LEUTX: variants seen among roughly 807,000 people sequenced by gnomAD.
LEUTX encodes the protein paired-like homeodomain transcription factor LEUTX.
A neutral mutation model predicts 4.5 loss-of-function variants in LEUTX; 5 were observed. The ratio of observed to expected loss-of-function variants is 1.11; its 90% CI spans 0.58 to 2.34. LEUTX has a LOEUF of 2.34. Ranked by LOEUF, LEUTX falls within the 30% of genes most tolerant of loss-of-function variation. The pLI is 0.01. For synonymous variants in LEUTX, 89 were observed against 85.1 expected (o/e 1.05, Z -0.25); for missense variants, 233 against 239.4 (o/e 0.97, Z 0.18).
At chr19:39,778,270 C>T (rs1401995573), upstream of LEUTX, among the ~76,000 whole-genome samples, 2 of 152,176 alleles carry the variant, frequency 1.3e-5, no homozygotes, top group Non-Finnish European at 2.9e-5. Context: ...TTGCTGAAAA[C>T]TCGTTATGGG....
intron 1 of LEUTX, among the ~76,000 whole-genome samples, chr19:39,783,665 A>T (rs1967920718): frequency 6.7e-6 from 1 of 149,820 alleles, no homozygotes; most frequent in South Asian, 2.1e-4. Context: ...GCCAACATCT[A>T]TTTTTTTTTA....
chr19:39,785,218 C>T (rs543085718), intron 2 of LEUTX, among the ~76,000 whole-genome samples: 6 of 152,220 alleles, frequency 3.9e-5, no homozygotes, highest in South Asian at 2.1e-4. Context: ...GCAGGAGGAT[C>T]GCTTAAGCCC....
At chr19:39,779,816 C>G (rs1159014290) in intron 1 of LEUTX, among the ~76,000 whole-genome samples, 1 of 152,130 alleles carries the variant, frequency 6.6e-6, no homozygotes, top group East Asian at 1.9e-4. Context: ...GAGTTCAAGA[C>G]CAGCCTGGAC....
At chr19:39,782,077 G>A (rs1967895185) in intron 1 of LEUTX, among the ~76,000 whole-genome samples, 1 of 151,920 alleles carries the variant, frequency 6.6e-6, no homozygotes, top group Non-Finnish European at 1.5e-5. Flanking sequence ...ATAGCTTCAG[G>A]GTCTCACAAG....
At chr19:39,782,014 A>T (rs1399660558) in intron 1 of LEUTX, among the ~76,000 whole-genome samples, 1 of 152,160 alleles carries the variant, frequency 6.6e-6, no homozygotes, top group African/African-American at 2.4e-5. Flanking sequence ...TTCTTAGGTC[A>T]CTAAGCTTCA....
chr19:39,782,424 C>T (rs551122350), intron 1 of LEUTX, among the ~76,000 whole-genome samples: 3 of 152,238 alleles, frequency 2.0e-5, no homozygotes, highest in Admixed American at 2.0e-4. Flanking sequence ...TGCTTGCCAC[C>T]ACGTAAGATG....
rs543677329 is a variant in LEUTX at position 39,784,318 on chromosome 19, T to G, written c.8-209T>G. On this transcript the variant is annotated intron_variant, in intron 1 of 2. Coordinates refer to ENST00000638280, the MANE Select transcript of LEUTX (RefSeq NM_001382345.1). ...TTGCTGATGAACTAATGTGATTTTT[T>G]GGGGATGTTAAAGAACCTTGTGTTG... Among the ~76,000 whole-genome samples the G allele has an allele frequency of 1.8e-4, 28 of 152,294 alleles. 1 individual carries two copies. Among genetic ancestry groups the G allele is most frequent in the African/African-American group, 6.7e-4 (28 of 41,548 alleles).
Position 39,779,945 on chromosome 19 carries a change from C to T in LEUTX, c.7+1018C>T, listed in dbSNP as rs1967860134. ...ACAAGAATTGCTTGAACCTGGGAGG[C>T]AGAGGTTGCAGCAATCTGAGATTGC... On this transcript the variant is annotated intron_variant, in intron 1 of 2. Coordinates refer to ENST00000638280, the MANE Select transcript of LEUTX (RefSeq NM_001382345.1). 3.3e-5 allele frequency among the ~76,000 whole-genome samples: 5 copies of T among 152,262 alleles called. No homozygotes were observed. In the South Asian group the frequency reaches 1.0e-3, roughly 32 times the overall value.
At position 39,785,703 on chromosome 19, in the gene LEUTX, G is replaced by T. The variant is rs1967957639; in HGVS notation, c.165G>T (p.Trp55Cys). ...LQLDLSVVKIWFKNQRAKWKR... is the reference protein window; with the variant it reads ...LQLDLSVVKICFKNQRAKWKR... Reference sequence around the variant, plus strand: ...CCCCCCTCCTCCCTCCTTAGATCTGGTTCAAGAACCAGCGTGCCAAATGGA... The same window carrying T: ...CCCCCCTCCTCCCTCCTTAGATCTGTTTCAAGAACCAGCGTGCCAAATGGA... Residue 55 changes from tryptophan (W) to cysteine (C), a missense_variant, in exon 3 of 3, where the codon TGG (tryptophan) becomes TGT (cysteine). Physicochemically the swap from Trp to Cys is radical, Grantham distance 215. Coordinates refer to ENST00000638280, the MANE Select transcript of LEUTX (RefSeq NM_001382345.1). 2 of 1,551,524 alleles carry T rather than the reference G, an allele frequency of 1.3e-6. No homozygotes were observed. The highest frequency in any genetic ancestry group is 2.7e-5 in the African/African-American group (2 of 72,970).
intron 1 of LEUTX, among the ~76,000 whole-genome samples, chr19:39,782,386 C>T (rs890875594): frequency 5.3e-5 from 8 of 152,064 alleles, no homozygotes; most frequent in Non-Finnish European, 1.0e-4. Flanking sequence ...AGAGGTTTCC[C>T]CTTTTGCTTA....
At chr19:39,782,486 T>A (rs1275750160) in intron 1 of LEUTX, among the ~76,000 whole-genome samples, 1 of 152,178 alleles carries the variant, frequency 6.6e-6, no homozygotes, top group Non-Finnish European at 1.5e-5. Flanking sequence ...TCCCCAGCCA[T>A]GTGGAACTGT....
chr19:39,781,059 CTTTT>C (rs994943926), intron 1 of LEUTX, among the ~76,000 whole-genome samples: 2 of 152,026 alleles, frequency 1.3e-5, no homozygotes, highest in Non-Finnish European at 2.9e-5. Context: ...CCTCTTCTTT[CTTTT>C]TCTCTTCCAC....
intron 1 of LEUTX, 32 bp from the exon 2 acceptor site, chr19:39,784,495 T>A (rs2144959380): frequency 1.3e-6 from 1 of 768,166 alleles, no homozygotes; most frequent in East Asian, 2.7e-5. Flanking sequence ...CGAATTTTTT[T>A]AATGAAAGCC....
chr19:39,785,390 A>G (rs1967950759), intron 2 of LEUTX, among the ~76,000 whole-genome samples: 1 of 151,986 alleles, frequency 6.6e-6, no homozygotes, highest in African/African-American at 2.4e-5. Flanking sequence ...GCGAGCTATG[A>G]TTGCAGCACT....
rs1338503162 is a variant in LEUTX, at chr19:39,785,692, C to T, written c.160-6C>T. The T allele has an allele frequency of 1.3e-6, 2 of 1,551,028 alleles. No individual in the cohort carries two copies. The highest frequency in any genetic ancestry group is 2.4e-5 in the South Asian group (2 of 83,994). On this transcript the variant is annotated splice_region_variant and splice_polypyrimidine_tract_variant and intron_variant, in intron 2 of 2. Coordinates refer to ENST00000638280, the MANE Select transcript of LEUTX (RefSeq NM_001382345.1). ...ATTATTAACCTCCCCCCTCCTCCCT[C>T]CTTAGATCTGGTTCAAGAACCAGCG...
intron 1 of LEUTX, among the ~76,000 whole-genome samples, chr19:39,782,985 G>A (rs533084446): frequency 3.9e-4 from 60 of 151,934 alleles, no homozygotes; most frequent in Non-Finnish European, 5.4e-4. Context: ...CACCAACCGA[G>A]CAGCATACAC....
chr19:39,784,548 G>A lies in LEUTX; in HGVS notation c.29G>A (p.Arg10Gln), dbSNP rs758599556. Residue 10 changes from arginine (R) to glutamine (Q), a missense_variant, in exon 2 of 3, where the codon CGG (arginine) becomes CAG (glutamine). By Grantham distance (43) the Arg-to-Gln change is conservative. Transcript: ENST00000638280. The part of the protein sequence containing the change: MFEGPRRYR[R>Q]PRTRFLSKQL... ...GCAGAAGGGCCAAGGCGTTATCGTC[G>A]GCCACGCACAAGATTTCTCTCCAAA... is the stretch of plus-strand genomic sequence containing the variant. The A allele has an allele frequency of 9.1e-6, 11 of 1,207,588 alleles. No individual in the cohort carries two copies. The highest frequency in any genetic ancestry group is 6.5e-5 in the South Asian group (5 of 77,074). 74.8% of individuals were successfully genotyped at this position (1,207,588 alleles called of 1,614,324 possible).
At chr19:39,784,775 G>A in intron 2 of LEUTX, 97 bp downstream of exon 2, 2 of 893,876 alleles carry the variant, frequency 2.2e-6, no homozygotes, top group Non-Finnish European at 3.5e-6. Context: ...ATTGGCAATT[G>A]CTATGTGTAA....
intron 1 of LEUTX, 138 bp downstream of exon 1, chr19:39,779,065 A>T (rs1210665280): frequency 6.6e-6 from 1 of 152,156 alleles, no homozygotes; most frequent in Non-Finnish European, 1.5e-5. Flanking sequence ...ACCAACAAGG[A>T]TTGTTTGAAA....
Sources: gnomAD v4.1 joint callset for allele counts (sites outside exome capture counted in the v4.1 genomes callset) on GRCh38, gnomAD v4.1.1 for gene constraint, MANE v1.5 for transcripts, NCBI Gene and HGNC (gene_info 2026-07-23, HGNC 2026-07-21) for gene names.